Variants in PKIA observed in about 807,000 individuals in gnomAD.
The protein encoded by PKIA is PKI-alpha.
Under a neutral mutation model 7.6 loss-of-function variants are expected in PKIA, and 4 were observed. The ratio of observed to expected loss-of-function variants is 0.52; its 90% confidence interval spans 0.26 to 1.20. The LOEUF (loss-of-function observed/expected upper bound fraction) is 1.20, where lower values mean the gene tolerates loss of function less well. PKIA is among the 50% of genes most tolerant of loss of function. The pLI, the probability that PKIA is intolerant of heterozygous loss-of-function variation, is 0.13. For missense variants in PKIA, 73 were observed against 86.2 expected (o/e 0.85, Z 0.61); for synonymous variants, 21 against 30.7 (o/e 0.68, Z 1.04).
At chr8:78,542,588 T>C (rs35790291) in intron 1 of PKIA, among the ~76,000 whole-genome samples, 23,291 of 152,174 alleles carry the variant, frequency 0.15, 1,971 homozygotes, top group Middle Eastern at 0.22. Context: ...TCCCAGCATA[T>C]GTTTGCTTTT....
chr8:78,583,009 C>T (rs187135985), intron 2 of PKIA, among the ~76,000 whole-genome samples: 2 of 152,300 alleles, frequency 1.3e-5, no homozygotes, highest in South Asian at 4.1e-4. Flanking sequence ...CTCTCAGAAA[C>T]CTGGGCACTT....
chr8:78,528,243 AAGT>A (rs1200837008), intron 1 of PKIA, among the ~76,000 whole-genome samples: 2 of 152,050 alleles, frequency 1.3e-5, no homozygotes, highest in Non-Finnish European at 2.9e-5. Flanking sequence ...ACCCTAACCC[AAGT>A]AGTATACTAG....
At chr8:78,565,615 T>TA (rs1246585327) in intron 1 of PKIA, among the ~76,000 whole-genome samples, 1 of 151,988 alleles carries the variant, frequency 6.6e-6, no homozygotes, top group Non-Finnish European at 1.5e-5. Context: ...GCTCTTGCTA[T>TA]TTCTCAGTAG....
rs1356057785 is a variant in PKIA at position 78,604,503 on chromosome 8, A to G, written c.*2682A>G. ...TCCATATTTTACAGAAGGAAACTGA[A>G]TCCCAGAAGGAGAAATTGCCGTTCT... is the stretch of plus-strand genomic sequence containing the variant. On this transcript the variant is annotated 3_prime_UTR_variant, in exon 4 of 4. Coordinates refer to ENST00000396418, the MANE Select transcript of PKIA (RefSeq NM_006823.4). 1.3e-5 allele frequency: 2 copies of G among 151,992 alleles called. No individual in the cohort carries two copies. Among genetic ancestry groups the G allele is most frequent in the African/African-American group, 4.8e-5 (2 of 41,420 alleles). The allele number at this position is 151,992 out of a possible 1,614,324, so 9.4% of individuals were successfully genotyped here.
chr8:78,599,461 A>G (rs994117002), intron 3 of PKIA, among the ~76,000 whole-genome samples: 31 of 152,242 alleles, frequency 2.0e-4, no homozygotes, highest in South Asian at 4.1e-4. Flanking sequence ...ATGTATATAT[A>G]GATTAATGAA....
In PKIA at chr8:78,603,422, C is replaced by T. The variant is rs895842251; in HGVS notation, c.*1601C>T. On this transcript the variant is annotated 3_prime_UTR_variant, in exon 4 of 4. Coordinates refer to ENST00000396418, the MANE Select transcript of PKIA (RefSeq NM_006823.4). ...ACAGGATAAAAGGTAAGTCTGCTCA[C>T]TTCTCCTTCTACAGGGCATTTCAAC... 6.6e-6 allele frequency: 1 copy of T among 151,956 alleles called. No homozygotes were observed. The highest frequency in any genetic ancestry group is 2.4e-5 in the African/African-American group (1 of 41,396). 9.4% of individuals were successfully genotyped at this position (151,956 alleles called of 1,614,324 possible). A position where few individuals can be genotyped will look rare whatever the true frequency, so the allele number is the denominator to read the frequency against.
intron 1 of PKIA, among the ~76,000 whole-genome samples, chr8:78,523,321 G>A (rs970439491): frequency 6.6e-6 from 1 of 151,760 alleles, no homozygotes; most frequent in African/African-American, 2.4e-5. Context: ...TTTCTCCTAT[G>A]GTTTACCTCT....
chr8:78,564,245 A>C lies in PKIA; in HGVS notation c.-156-8566A>C, dbSNP rs559059656. 5.9e-5 allele frequency among the ~76,000 whole-genome samples: 9 copies of C among 152,148 alleles called. No individual in the cohort carries two copies. In the East Asian group the frequency reaches 1.7e-3, roughly 29 times the overall value. On this transcript the variant is annotated intron_variant, in intron 1 of 3. Transcript: ENST00000396418. Reference sequence around the variant, plus strand: ...AAAGAATTTACTGGTTAGTCAGAGCAGTATTCCCAGTCTTGGAAGCCCATT... The same window carrying C: ...AAAGAATTTACTGGTTAGTCAGAGCCGTATTCCCAGTCTTGGAAGCCCATT...
chr8:78,518,276 TTTG>T (rs962705493), intron 1 of PKIA, among the ~76,000 whole-genome samples: 2 of 152,298 alleles, frequency 1.3e-5, no homozygotes, highest in South Asian at 2.1e-4. Context: ...ATGTTCCTTT[TTTG>T]TTGTTGTTAT....
chr8:78,586,289 G>C (rs73243285), intron 2 of PKIA, among the ~76,000 whole-genome samples: 5,323 of 152,236 alleles, frequency 0.035, 97 homozygotes, highest in African/African-American at 0.044. Flanking sequence ...ACATAACTAA[G>C]TAGGAGATGC....
At chr8:78,595,223 C>T (rs566952482) in intron 2 of PKIA, among the ~76,000 whole-genome samples, 273 of 152,210 alleles carry the variant, frequency 1.8e-3, no homozygotes, top group Admixed American at 3.3e-3. Flanking sequence ...AATAAAAAAA[C>T]TACATAAAGT....
chr8:78,522,586 C>T (rs1809437082), intron 1 of PKIA, among the ~76,000 whole-genome samples: 1 of 151,848 alleles, frequency 6.6e-6, no homozygotes, highest in Non-Finnish European at 1.5e-5. Flanking sequence ...AATATTCTCT[C>T]TTTTTTCATT....
intron 1 of PKIA, among the ~76,000 whole-genome samples, chr8:78,541,454 T>C (rs115048982): frequency 1.3e-5 from 2 of 152,234 alleles, no homozygotes; most frequent in East Asian, 3.9e-4. Flanking sequence ...CTGAACTCTT[T>C]TATTTCTCTA....
At chr8:78,572,775 A>G (rs1207676305) in intron 1 of PKIA, 36 bp from the exon 2 acceptor site, 2 of 151,292 alleles carry the variant, frequency 1.3e-5, no homozygotes, top group East Asian at 1.9e-4. Context: ...TTATATGTAC[A>G]GATAATTTCC....
chr8:78,595,253 T>C (rs1026407211), intron 2 of PKIA, among the ~76,000 whole-genome samples: 2 of 152,314 alleles, frequency 1.3e-5, no homozygotes, highest in Admixed American at 1.3e-4. Flanking sequence ...CTGATTCACG[T>C]AGGACTGGAC....
intron 2 of PKIA, among the ~76,000 whole-genome samples, chr8:78,584,998 G>T (rs1807914361): frequency 6.6e-6 from 1 of 151,940 alleles, no homozygotes; most frequent in African/African-American, 2.4e-5. Context: ...TAGTAGAGCT[G>T]CTTGATATTG....
intron 2 of PKIA, among the ~76,000 whole-genome samples, chr8:78,584,778 C>T (rs1807909553): frequency 6.6e-6 from 1 of 152,016 alleles, no homozygotes; most frequent in Non-Finnish European, 1.5e-5. Context: ...AGAGTGCAAA[C>T]TAGAAAATAT....
intron 2 of PKIA, among the ~76,000 whole-genome samples, chr8:78,587,197 G>C (rs1326770249): frequency 1.2e-4 from 19 of 152,180 alleles, no homozygotes; most frequent in Non-Finnish European, 2.9e-5. Flanking sequence ...GCAAGTCATA[G>C]ATTAATGAGA....
rs575210722 is a variant in PKIA at position 78,557,769 on chromosome 8, C to T, written c.-156-15042C>T. 5.7e-4 allele frequency among the ~76,000 whole-genome samples: 87 copies of T among 152,270 alleles called. No individual in the cohort carries two copies. In the East Asian group the frequency reaches 6.4e-3, roughly 11 times the overall value. On this transcript the variant is annotated intron_variant, in intron 1 of 3. Transcript: ENST00000396418. The stretch of plus-strand genomic sequence containing the variant: ...ATGGGGACAGCTATGTCAGGAACTT[C>T]AATTCCAGTTAAAGTGAAACCTGGC...
Sources: gnomAD v4.1 joint callset for allele counts (sites outside exome capture counted in the v4.1 genomes callset) on GRCh38, gnomAD v4.1.1 for gene constraint, MANE v1.5 for transcripts, NCBI Gene and HGNC (gene_info 2026-07-23, HGNC 2026-07-21) for gene names.